The following KPNA5 variants were observed in gnomAD, a reference collection of about 807,000 sequenced individuals.
KPNA5 encodes karyopherin subunit alpha 5.
KPNA5 carries 46 observed loss-of-function variants against 71.3 expected under a neutral mutation model. The ratio of observed to expected loss-of-function variants is 0.65; its 90% CI spans 0.51 to 0.83. The LOEUF is 0.83. KPNA5 is among the 40% of genes least tolerant of loss of function. The pLI is 0.00. For synonymous variants in KPNA5, 207 were observed against 201.4 expected (o/e 1.03, Z -0.24); for missense variants, 547 against 628.3 (o/e 0.87, Z 1.38).
rs1169400050 is a variant in KPNA5, at chr6:116,738,899, T to C, written c.*6576T>C. On this transcript the variant is annotated 3_prime_UTR_variant, in exon 14 of 14. Transcript: ENST00000368564. ...GACAAACCCACAGCCAATATCATAC[T>C]GAATGGGCAAAAACTGGAAGCATTC... 2 of 151,854 alleles carry C rather than the reference T, an allele frequency of 1.3e-5. No homozygotes were observed. The highest frequency in any genetic ancestry group is 4.8e-5 in the African/African-American group (2 of 41,366). The allele number at this position is 151,854 out of a possible 1,614,324, so 9.4% of individuals were successfully genotyped here.
At position 116,692,096 on chromosome 6, in the gene KPNA5, A is replaced by G; in HGVS notation, c.180A>G (p.Glu60=). ...RRNVYLPRND[E]SMLESPIQDP... ...ATGTCTATTTGCCCAGAAATGATGA[A>G]TCTATGCTTGAAAGTCCTATACAGG... Residue 60 remains glutamate (E), a synonymous_variant, in exon 3 of 14, where the codon GAA becomes GAG. Coordinates refer to ENST00000368564, the MANE Select transcript of KPNA5 (RefSeq NM_001366306.2). 1 of 1,613,148 alleles carries G rather than the reference A, an allele frequency of 6.2e-7. No homozygotes were observed. The highest frequency in any genetic ancestry group is 8.5e-7 in the Non-Finnish European group (1 of 1,179,322).
intron 8 of KPNA5, among the ~76,000 whole-genome samples, chr6:116,718,939 T>C (rs1779007070): frequency 6.6e-6 from 1 of 152,018 alleles, no homozygotes; most frequent in Non-Finnish European, 1.5e-5. Flanking sequence ...GGCTAATTTT[T>C]ATATTTTATT....
chr6:116,702,708 AC>A (rs1430993510), intron 6 of KPNA5, among the ~76,000 whole-genome samples: 1 of 152,232 alleles, frequency 6.6e-6, no homozygotes, highest in East Asian at 1.9e-4. Flanking sequence ...TTAGTAACTT[AC>A]CTAAAGTCAC....
At chr6:116,706,131 CTT>C (rs1778428007) in intron 7 of KPNA5, among the ~76,000 whole-genome samples, 1 of 152,200 alleles carries the variant, frequency 6.6e-6, no homozygotes, top group Admixed American at 6.5e-5. Flanking sequence ...AAAAACATCT[CTT>C]AAAGTTTCAA....
At chr6:116,720,129 T>C (rs1473178391) in intron 8 of KPNA5, among the ~76,000 whole-genome samples, 1 of 152,208 alleles carries the variant, frequency 6.6e-6, no homozygotes, top group Admixed American at 6.5e-5. Context: ...CTGCTTCTTA[T>C]CAGATTTTTA....
chr6:116,698,074 G>C (rs190034689), intron 4 of KPNA5, among the ~76,000 whole-genome samples: 2 of 151,902 alleles, frequency 1.3e-5, no homozygotes, highest in Non-Finnish European at 2.9e-5. Flanking sequence ...AACCGTAGAG[G>C]GTACGTTTTG....
At chr6:116,721,945 C>T (rs1250657626) in intron 8 of KPNA5, among the ~76,000 whole-genome samples, 181 bp from the exon 9 acceptor site, 1 of 152,042 alleles carries the variant, frequency 6.6e-6, no homozygotes, top group Non-Finnish European at 1.5e-5. Context: ...TTCAATATAA[C>T]ATAATAGTAG....
At chr6:116,724,231 T>G in intron 9 of KPNA5, 66 bp from the exon 10 acceptor site, 5 of 1,063,532 alleles carry the variant, frequency 4.7e-6, no homozygotes, top group Non-Finnish European at 7.2e-6. Context: ...TTGTAGTATT[T>G]TTGTAACTTC....
intron 1 of KPNA5, 52 bp from the exon 2 acceptor site, chr6:116,689,268 G>A (rs1157552031): frequency 6.4e-7 from 1 of 1,570,182 alleles, no homozygotes; most frequent in Non-Finnish European, 8.6e-7. Flanking sequence ...GTCTCATGTT[G>A]TTTTGAGAGA....
At chr6:116,721,220 A>C (rs1779093010) in intron 8 of KPNA5, among the ~76,000 whole-genome samples, 1 of 152,252 alleles carries the variant, frequency 6.6e-6, no homozygotes. Context: ...TATTCTTTAA[A>C]ATAGGGGTAA....
At chr6:116,708,223 G>GT (rs992719060) in intron 7 of KPNA5, among the ~76,000 whole-genome samples, 6 of 152,184 alleles carry the variant, frequency 3.9e-5, no homozygotes, top group Admixed American at 2.0e-4. Flanking sequence ...CATGTACAAG[G>GT]TTTTGTCTCA....
intron 12 of KPNA5, among the ~76,000 whole-genome samples, chr6:116,728,647 C>CT (rs892690869): frequency 6.1e-5 from 9 of 148,596 alleles, no homozygotes; most frequent in East Asian, 2.0e-4. Context: ...GTATATACAT[C>CT]TTTTTTTTTT....
chr6:116,741,051 C>G lies in KPNA5; in HGVS notation c.*8728C>G, dbSNP rs1282840236. 6.6e-6 allele frequency: 1 copy of G among 151,912 alleles called. No homozygotes were observed. The highest frequency in any genetic ancestry group is 1.5e-5 in the Non-Finnish European group (1 of 67,964). The allele number at this position is 151,912 out of a possible 1,614,324, so 9.4% of individuals were successfully genotyped here. ...GACCTTAAAAATATGCCACTAACTT[C>G]TAAGTTGTGATGTGATTACATGAGT... On this transcript the variant is annotated 3_prime_UTR_variant, in exon 14 of 14. Transcript: ENST00000368564.
At chr6:116,684,127 G>C (rs965402088) in intron 1 of KPNA5, among the ~76,000 whole-genome samples, 1 of 151,524 alleles carries the variant, frequency 6.6e-6, no homozygotes, top group South Asian at 2.1e-4. Flanking sequence ...TGGCCAGGCC[G>C]GTCTTGAACT....
At chr6:116,710,005 C>T (rs541909626) in intron 7 of KPNA5, among the ~76,000 whole-genome samples, 2 of 152,044 alleles carry the variant, frequency 1.3e-5, no homozygotes, top group African/African-American at 2.4e-5. Flanking sequence ...GTGATCCGCC[C>T]GCCTCGACCT....
intron 10 of KPNA5, 90 bp downstream of exon 10, chr6:116,724,465 A>T: frequency 3.7e-6 from 3 of 803,606 alleles, no homozygotes; most frequent in Non-Finnish European, 6.3e-6. Context: ...ATTAATCAAG[A>T]TTTTAGCATC....
At chr6:116,686,858 A>T (rs1419380316) in intron 1 of KPNA5, among the ~76,000 whole-genome samples, 1 of 151,942 alleles carries the variant, frequency 6.6e-6, no homozygotes, top group Non-Finnish European at 1.5e-5. Flanking sequence ...GTGTGGCCTT[A>T]TTTATGGGCT....
intron 1 of KPNA5, among the ~76,000 whole-genome samples, chr6:116,687,436 G>A (rs903185201): frequency 5.3e-5 from 8 of 152,134 alleles, no homozygotes; most frequent in African/African-American, 1.7e-4. Context: ...GGAGTTTTAG[G>A]GGGTGACAAC....
At chr6:116,709,191 AT>A (rs1279298972) in intron 7 of KPNA5, among the ~76,000 whole-genome samples, 2 of 152,218 alleles carry the variant, frequency 1.3e-5, no homozygotes, top group Non-Finnish European at 2.9e-5. Flanking sequence ...TCATCTGTCA[AT>A]AATGTTAGTT....
Sources: gnomAD v4.1 joint callset for allele counts (sites outside exome capture counted in the v4.1 genomes callset) on GRCh38, gnomAD v4.1.1 for gene constraint, MANE v1.5 for transcripts, NCBI Gene and HGNC (gene_info 2026-07-23, HGNC 2026-07-21) for gene names.